The following MUC5AC variants were observed in gnomAD, a reference collection of about 807,000 sequenced individuals.
MUC5AC encodes the protein mucin 5AC, oligomeric mucus/gel-forming.
Under a neutral mutation model 169.7 loss-of-function variants are expected in MUC5AC, and 158 were observed. The ratio of observed to expected loss-of-function variants is 0.93; its 90% CI spans 0.82 to 1.06. MUC5AC has a LOEUF of 1.06. MUC5AC is among the 50% of genes least tolerant of loss of function. The pLI is 0.00. For missense variants in MUC5AC, 4,359 were observed against 3,089.9 expected (o/e 1.41, Z -9.74); for synonymous variants, 1,975 against 1,237.0 (o/e 1.60, Z -12.52).
rs1413200463 is a variant in MUC5AC, at chr11:1,165,768, C to T, written c.1386+8C>T. On this transcript the variant is annotated splice_region_variant and intron_variant, in intron 11 of 48. Transcript: ENST00000621226. ...AGCTATGTGCTGACCAAGGTACGGC[C>T]TGGCTGCCTGGGGTGCTCGCCGGAC... is the stretch of plus-strand genomic sequence containing the variant. The T allele has an allele frequency of 1.2e-6, 2 of 1,611,380 alleles. No homozygotes were observed. Among genetic ancestry groups the T allele is most frequent in the African/African-American group, 2.7e-5 (2 of 74,918 alleles).
chr11:1,158,233 GT>G lies in MUC5AC; in HGVS notation c.73+164del, dbSNP rs1860019371. 2.0e-5 allele frequency among the ~76,000 whole-genome samples: 3 copies of G among 152,366 alleles called. No homozygotes were observed. In the South Asian group the frequency reaches 6.2e-4, roughly 32 times the overall value. ...ACTGTGGCCTGGCCACGAACGAGCA[GT>G]TTCCCCTTGTGGGGTTGGGAAGGGA... On this transcript the variant is annotated intron_variant, in intron 1 of 48. Coordinates refer to ENST00000621226, the MANE Select transcript of MUC5AC (RefSeq NM_001304359.2).
intron 1 of MUC5AC, among the ~76,000 whole-genome samples, chr11:1,159,531 T>G (rs1007500541): frequency 6.1e-5 from 4 of 65,262 alleles, no homozygotes; most frequent in Admixed American, 3.6e-4. Flanking sequence ...ACCATGCTGG[T>G]TCTGTGCGGG....
intron 17 of MUC5AC, 94 bp downstream of exon 17, chr11:1,174,716 G>C (rs952327293): frequency 1.0e-5 from 6 of 571,980 alleles, no homozygotes; most frequent in Non-Finnish European, 6.1e-6. Context: ...AAGGGCCCCC[G>C]TCCTCTGTGC....
In MUC5AC at chr11:1,196,455, G is replaced by C. The variant is rs767906381; in HGVS notation, c.15705G>C (p.Gly5235=). Residue 5235 remains glycine, a synonymous_variant, in exon 38 of 49, where the codon GGG becomes GGC. Coordinates refer to ENST00000621226, the MANE Select transcript of MUC5AC (RefSeq NM_001304359.2). ...CGPSNPSYCY[G]NDSASLGALP... is the part of the protein sequence containing the mutation. ...CGAGCAACCCCTCCTACTGCTACGG[G>C]AATGACAGCGCCAGCCTCGGGTAGG... 1 of 764,918 alleles carries C rather than the reference G, an allele frequency of 1.3e-6. No homozygotes were observed. The highest frequency in any genetic ancestry group is 1.7e-5 in the African/African-American group (1 of 59,156). 47.4% of individuals were successfully genotyped at this position (764,918 alleles called of 1,614,324 possible). A position where few individuals can be genotyped will look rare whatever the true frequency, so the allele number is the denominator to read the frequency against.
At chr11:1,160,589 C>A in intron 1 of MUC5AC, 23 bp from the exon 2 acceptor site, 1 of 1,596,814 alleles carries the variant, frequency 6.3e-7, no homozygotes, top group Non-Finnish European at 8.5e-7. Flanking sequence ...CATCTGGGCT[C>A]AGCCCCCCTC....
chr11:1,200,657 G>C lies in MUC5AC; in HGVS notation c.16920G>C (p.Glu5640Asp), dbSNP rs747704987. 2 of 763,304 alleles carry C rather than the reference G, an allele frequency of 2.6e-6. No homozygotes were observed. Among genetic ancestry groups the C allele is most frequent in the East Asian group, 4.9e-5 (2 of 41,168 alleles). The allele number at this position is 763,304 out of a possible 1,614,324, so 47.3% of individuals were successfully genotyped here. ...AACCCGAGCCCAGCCAGGAGGCAGA[G>C]AGTGGGAGCTGGGAGAGAGGCGTCC... The part of the protein sequence containing the change: ...EAEPEPSQEA[E>D]SGSWERGVPV... Residue 5640 changes from glutamate to aspartate, a missense_variant, in exon 49 of 49, where the codon GAG becomes GAC. Coordinates refer to ENST00000621226, the MANE Select transcript of MUC5AC (RefSeq NM_001304359.2).
chr11:1,158,996 T>TC (rs1186915570), intron 1 of MUC5AC, among the ~76,000 whole-genome samples: 1 of 152,290 alleles, frequency 6.6e-6, no homozygotes, highest in East Asian at 1.9e-4. Context: ...AGGAATTCTG[T>TC]CCCGGGGCTG....
Position 1,201,047 on chromosome 11 carries a change from A to C in MUC5AC, c.*345A>C. 4.1e-6 allele frequency: 1 copy of C among 241,120 alleles called. No individual in the cohort carries two copies. Among genetic ancestry groups the C allele is most frequent in the Non-Finnish European group, 8.0e-6 (1 of 125,400 alleles). 14.9% of individuals were successfully genotyped at this position (241,120 alleles called of 1,614,324 possible). A position where few individuals can be genotyped will look rare whatever the true frequency, so the allele number is the denominator to read the frequency against. ...TCAGCTGCCTGGTGGCTGCAGGAGG[A>C]AGAACCTCACTCCTACCTCAGCCCT... On this transcript the variant is annotated 3_prime_UTR_variant, in exon 49 of 49. Coordinates refer to ENST00000621226, the MANE Select transcript of MUC5AC (RefSeq NM_001304359.2).
At chr11:1,197,668 G>C (rs1022030078) in intron 41 of MUC5AC, 29 bp downstream of exon 41, 1 of 667,652 alleles carries the variant, frequency 1.5e-6, no homozygotes, top group Non-Finnish European at 2.8e-6. Context: ...GAGGGGCATG[G>C]TGTGGCAGGC....
At chr11:1,194,745 C>T (rs554552383) in intron 35 of MUC5AC, 75 bp downstream of exon 35, 45 of 669,780 alleles carry the variant, frequency 6.7e-5, no homozygotes, top group African/African-American at 5.5e-4. Context: ...GAGGCCACCA[C>T]GTGCCGCGTG....
At chr11:1,171,673 CCACT>C (rs1196576499) in intron 15 of MUC5AC, among the ~76,000 whole-genome samples, 4 of 119,526 alleles carry the variant, frequency 3.3e-5, no homozygotes, top group African/African-American at 9.6e-5. Context: ...ACCCACTCAC[CCACT>C]CACTCACCCA....
At chr11:1,194,822 C>T (rs1305608303) in intron 35 of MUC5AC, among the ~76,000 whole-genome samples, 152 bp downstream of exon 35, 7 of 152,202 alleles carry the variant, frequency 4.6e-5, no homozygotes, top group Admixed American at 2.0e-4. Flanking sequence ...TTACGCCTGC[C>T]GGTACCTGCA....
rs1861091172 is a variant in MUC5AC, at chr11:1,191,312, T to C, written c.13167T>C (p.Pro4389=). Residue 4389 remains proline, a synonymous_variant, in exon 31 of 49, where the codon CCT becomes CCC. Coordinates refer to ENST00000621226, the MANE Select transcript of MUC5AC (RefSeq NM_001304359.2). ...CCACCACCAGCACAACCTCTGCTCC[T>C]ACAACCAGAACAACCTCTGCCTCTA... ...PVPTTSTTSA[P]TTRTTSASTA... 27 of 744,670 alleles carry C rather than the reference T, an allele frequency of 3.6e-5. No homozygotes were observed. The highest frequency in any genetic ancestry group is 4.1e-5 in the Non-Finnish European group (17 of 410,412). The allele number at this position is 744,670 out of a possible 1,614,324, so 46.1% of individuals were successfully genotyped here.
At chr11:1,169,880 A>AC (rs1860448961) in intron 15 of MUC5AC, among the ~76,000 whole-genome samples, 1 of 106,422 alleles carries the variant, frequency 9.4e-6, no homozygotes, top group African/African-American at 3.8e-5. Flanking sequence ...TCACCCACTC[A>AC]CTCACCCACT....
At position 1,182,392 on chromosome 11, in the gene MUC5AC, A is replaced by C; in HGVS notation, c.4247A>C (p.His1416Pro). ...GACACACTGGAGAACCTCCGCGCCC[A>C]TGGGTACCGGGTGTGCGAATCACCC... ...DFDTLENLRA[H>P]GYRVCESPRS... The change falls in exon 31 of 49, where the codon CAT (histidine) becomes CCT (proline). Residue 1416 changes from histidine to proline, a missense_variant. Transcript: ENST00000621226. 2.5e-6 allele frequency: 1 copy of C among 398,564 alleles called. No homozygotes were observed. The allele number at this position is 398,564 out of a possible 1,614,324, so 24.7% of individuals were successfully genotyped here. A position where few individuals can be genotyped will look rare whatever the true frequency, so the allele number is the denominator to read the frequency against.
In MUC5AC at chr11:1,175,628, C is replaced by A. The variant is rs1860655730; in HGVS notation, c.2401+358C>A. Among the ~76,000 whole-genome samples, 3 of 149,432 alleles carry A rather than the reference C, an allele frequency of 2.0e-5. No homozygotes were observed. The South Asian group carries it at 6.5e-4, about 32-fold the overall frequency. ...ACACCCTCATGCACACGCACTCACA[C>A]CCACTTATGCAACACTCACACACCC... On this transcript the variant is annotated intron_variant, in intron 19 of 48. Coordinates refer to ENST00000621226, the MANE Select transcript of MUC5AC (RefSeq NM_001304359.2).
At chr11:1,176,479 G>A in intron 20 of MUC5AC, 35 bp from the exon 21 acceptor site, 1 of 398,910 alleles carries the variant, frequency 2.5e-6, no homozygotes, top group Non-Finnish European at 4.4e-6. Flanking sequence ...CCCGTGCCCT[G>A]CCCCATCACT....
At position 1,187,494 on chromosome 11, in the gene MUC5AC, AC is replaced by A. The variant is rs1340283163; in HGVS notation, c.9351del (p.Ser3118LeufsTer117). On this transcript the variant is annotated frameshift_variant, in exon 31 of 49. Transcript: ENST00000621226. LOFTEE classifies it high-confidence loss of function. ...STTSASTASK[T>X]SGLGTTPSPI... ...AACCTCTGCCTCTACAGCCAGCAAA[AC>A]CTCTGGTCTTGGAACTACTCCCAGC... The A allele has an allele frequency of 1.4e-6, 1 of 737,670 alleles. No individual in the cohort carries two copies. The highest frequency in any genetic ancestry group is 1.7e-5 in the African/African-American group (1 of 57,942). The allele number at this position is 737,670 out of a possible 1,614,324, so 45.7% of individuals were successfully genotyped here.
At chr11:1,196,538 G>A (rs546649403) in intron 38 of MUC5AC, 63 bp downstream of exon 38, 124 of 763,976 alleles carry the variant, frequency 1.6e-4, no homozygotes, top group African/African-American at 1.1e-3. Flanking sequence ...CCAGCCTCCC[G>A]CTGCATCTCC....
Sources: allele counts gnomAD v4.1 joint callset (sites outside exome capture counted in the v4.1 genomes callset), GRCh38; gene constraint gnomAD v4.1.1; transcripts MANE v1.5; gene names NCBI Gene and HGNC (gene_info 2026-07-23, HGNC 2026-07-21).